Variants in RAP1GDS1 observed in about 807,000 individuals in gnomAD.
RAP1GDS1 encodes RAP1, GTP-GDP dissociation stimulator 1.
In RAP1GDS1, 35 loss-of-function variants were observed where a neutral mutation model predicts 71.1. The ratio of observed to expected loss-of-function variants is 0.49; its 90% CI spans 0.38 to 0.65. RAP1GDS1 has a LOEUF of 0.65. Among genes scored for constraint, RAP1GDS1 ranks in the 30% least tolerant of loss-of-function variants. The probability of loss-of-function intolerance (pLI) is 0.00; values close to 1 mark genes in which losing one functional copy is unlikely to be tolerated. For missense variants in RAP1GDS1, 663 were observed against 706.1 expected, an observed-to-expected ratio of 0.94 and a Z score of 0.69; for synonymous variants, 229 against 243.1, an observed-to-expected ratio of 0.94 and a Z score of 0.54.
chr4:98,293,871 GGA>G (rs2110281351), intron 2 of RAP1GDS1, among the ~76,000 whole-genome samples: 1 of 152,146 alleles, frequency 6.6e-6, no homozygotes, highest in South Asian at 2.1e-4. Flanking sequence ...TTATATGTGG[GGA>G]GAGTGGGGAG....
intron 2 of RAP1GDS1, among the ~76,000 whole-genome samples, chr4:98,301,995 T>A (rs1277267762): frequency 1.3e-5 from 2 of 152,170 alleles, no homozygotes; most frequent in Non-Finnish European, 2.9e-5. Context: ...TATCCCAAAT[T>A]GTTGCCCTTA....
chr4:98,337,340 T>C (rs913461070), intron 2 of RAP1GDS1, among the ~76,000 whole-genome samples: 2 of 152,252 alleles, frequency 1.3e-5, no homozygotes, highest in African/African-American at 4.8e-5. Context: ...TTGTAAAATG[T>C]GTTAAATAAC....
In RAP1GDS1 at chr4:98,370,440, A is replaced by G. The variant is rs182092970; in HGVS notation, c.362-8577A>G. Among the ~76,000 whole-genome samples, 14 of 152,108 alleles carry G rather than the reference A, an allele frequency of 9.2e-5. No individual in the cohort carries two copies. In the East Asian group the frequency reaches 2.7e-3, roughly 29 times the overall value. ...TATTCATGTTTATTATGAACATTTT[A>G]TTCCTTTTTATTCCTGTGCAGTTTT... On this transcript the variant is annotated intron_variant, in intron 4 of 14. Transcript: ENST00000408927.
intron 1 of RAP1GDS1, among the ~76,000 whole-genome samples, chr4:98,271,808 C>T (rs1454696182): frequency 6.6e-6 from 1 of 152,096 alleles, no homozygotes; most frequent in Non-Finnish European, 1.5e-5. Flanking sequence ...ATCCTTTCAA[C>T]AATTCTATGA....
chr4:98,367,904 A>G (rs1739758216), intron 4 of RAP1GDS1, among the ~76,000 whole-genome samples: 1 of 152,074 alleles, frequency 6.6e-6, no homozygotes, highest in Non-Finnish European at 1.5e-5. Context: ...GAGACTTTGG[A>G]CTGTGGACTT....
chr4:98,337,888 T>C (rs1356179061), intron 2 of RAP1GDS1, among the ~76,000 whole-genome samples: 1 of 152,144 alleles, frequency 6.6e-6, no homozygotes, highest in Non-Finnish European at 1.5e-5. Context: ...TTAGGAAATA[T>C]GGATGTGCTT....
rs1268702223 is a variant in RAP1GDS1, at chr4:98,436,077, AAAAT to A, written c.1568-861_1568-858del. On this transcript the variant is annotated intron_variant, in intron 13 of 14. Transcript: ENST00000408927. ...CAGAGCCAGACGCTGTCTCAAAAAA[AAAAT>A]ATATATATATATATATATCGGTATA... Among the ~76,000 whole-genome samples, 355 of 143,764 alleles carry A rather than the reference AAAAT, an allele frequency of 2.5e-3. 2 individuals carry two copies. Among genetic ancestry groups the A allele is most frequent in the African/African-American group, 9.0e-3 (324 of 36,026 alleles). 94.3% of individuals were successfully genotyped at this position (143,764 alleles called of 152,430 possible).
chr4:98,330,505 C>T (rs1270556306), intron 2 of RAP1GDS1, among the ~76,000 whole-genome samples: 15 of 148,164 alleles, frequency 1.0e-4, no homozygotes, highest in Admixed American at 6.7e-4. Flanking sequence ...ACCTCCCAGA[C>T]GGGGTGGTGG....
chr4:98,438,989 A>G (rs1486553286), intron 14 of RAP1GDS1, among the ~76,000 whole-genome samples: 1 of 152,140 alleles, frequency 6.6e-6, no homozygotes, highest in Non-Finnish European at 1.5e-5. Flanking sequence ...ACCACCAAAC[A>G]TATTTCAGAA....
In RAP1GDS1 at chr4:98,443,017, T is replaced by TTTTTTTTC. The variant is rs1234972864; in HGVS notation, c.*907_*908insCTTTTTTT. 300 of 157,840 alleles carry TTTTTTTTC rather than the reference T, an allele frequency of 1.9e-3. 3 individuals are homozygous for TTTTTTTTC. Among genetic ancestry groups the TTTTTTTTC allele is most frequent in the African/African-American group, 6.5e-3 (231 of 35,626 alleles). The allele number at this position is 157,840 out of a possible 1,614,324, so 9.8% of individuals were successfully genotyped here. ...AGTATAGTTCATTGAAGAATGGAATTTTTTTTTTTTTTTTTTTTTTTGCTG... is the reference window on the plus strand; with the variant it reads ...AGTATAGTTCATTGAAGAATGGAATTTTTTTTTCTTTTTTTTTTTTTTTTTTTTTGCTG... On this transcript the variant is annotated 3_prime_UTR_variant, in exon 15 of 15. Coordinates refer to ENST00000408927, the MANE Select transcript of RAP1GDS1 (RefSeq NM_001100427.2).
At chr4:98,267,725 A>G (rs1018268250) in intron 1 of RAP1GDS1, among the ~76,000 whole-genome samples, 1 of 152,006 alleles carries the variant, frequency 6.6e-6, no homozygotes, top group Non-Finnish European at 1.5e-5. Flanking sequence ...TATGTGTCAC[A>G]TTTTCTTTAT....
At chr4:98,404,668 A>G (rs756097980) in intron 7 of RAP1GDS1, 66 bp downstream of exon 7, 14 of 1,516,482 alleles carry the variant, frequency 9.2e-6, no homozygotes, top group Middle Eastern at 1.8e-4. Context: ...TCCTAATATT[A>G]TTTAATTGCC....
At chr4:98,261,677 C>T (rs1233965867) in intron 1 of RAP1GDS1, 108 bp downstream of exon 1, 21 of 1,371,490 alleles carry the variant, frequency 1.5e-5, no homozygotes, top group South Asian at 3.9e-5. Flanking sequence ...CTCCAGTCCC[C>T]GGGTGTGAGA....
intron 1 of RAP1GDS1, among the ~76,000 whole-genome samples, chr4:98,292,643 A>C (rs1247557126): frequency 6.6e-6 from 1 of 152,030 alleles, no homozygotes; most frequent in Non-Finnish European, 1.5e-5. Context: ...TAAAATGCTA[A>C]TTATGTTAAT....
chr4:98,442,350 G>A lies in RAP1GDS1; in HGVS notation c.*233G>A. ...CCCATAACCGTTCTCTTGTATTCCT[G>A]TTGCTTGAGCTACATTAAGTAGAAT... On this transcript the variant is annotated 3_prime_UTR_variant, in exon 15 of 15. Transcript: ENST00000408927. The A allele has an allele frequency of 2.3e-6, 1 of 441,374 alleles. No homozygotes were observed. The highest frequency in any genetic ancestry group is 3.9e-6 in the Non-Finnish European group (1 of 254,964). 27.3% of individuals were successfully genotyped at this position (441,374 alleles called of 1,614,324 possible).
intron 5 of RAP1GDS1, chr4:98,387,359 AG>A (rs1742925326): frequency 4.5e-6 from 2 of 448,402 alleles, no homozygotes; most frequent in Non-Finnish European, 9.0e-6. Context: ...CCTATAATCT[AG>A]TTATACCAAT....
intron 2 of RAP1GDS1, among the ~76,000 whole-genome samples, chr4:98,339,334 C>T (rs449079): frequency 3.3e-5 from 5 of 152,128 alleles, no homozygotes; most frequent in East Asian, 1.9e-4. Context: ...AGCAATTGCC[C>T]GTCTTATATG....
intron 2 of RAP1GDS1, among the ~76,000 whole-genome samples, chr4:98,302,951 C>T (rs565532906): frequency 1.6e-4 from 25 of 151,854 alleles, no homozygotes; most frequent in African/African-American, 4.8e-4. Flanking sequence ...GAGGCTGAGG[C>T]ATGAGAATTG....
intron 1 of RAP1GDS1, among the ~76,000 whole-genome samples, chr4:98,266,202 A>G (rs906812408): frequency 6.6e-6 from 1 of 152,178 alleles, no homozygotes; most frequent in Non-Finnish European, 1.5e-5. Context: ...TAATTTCACC[A>G]TAGTGCCTCA....
Sources: allele counts gnomAD v4.1 joint callset (sites outside exome capture counted in the v4.1 genomes callset), GRCh38; gene constraint gnomAD v4.1.1; transcripts MANE v1.5; gene names NCBI Gene and HGNC (gene_info 2026-07-23, HGNC 2026-07-21).